The following FOXO1 variants were observed in gnomAD, a reference collection of about 807,000 sequenced individuals.
FOXO1 encodes forkhead box O1.
FOXO1 carries 6 observed loss-of-function variants against 44.1 expected under a neutral mutation model. The ratio of observed to expected loss-of-function variants is 0.14; its 90% CI spans 0.07 to 0.27. The LOEUF (loss-of-function observed/expected upper bound fraction) is 0.27. FOXO1 is among the 10% of genes least tolerant of loss of function. The pLI, the probability that FOXO1 is intolerant of heterozygous loss-of-function variation, is 1.00. For missense variants in FOXO1, 737 were observed against 888.8 expected (o/e 0.83, Z 2.17); for synonymous variants, 380 against 362.7 (o/e 1.05, Z -0.54).
At chr13:40,659,736 G>A (rs1877978503) in intron 1 of FOXO1, among the ~76,000 whole-genome samples, 1 of 152,136 alleles carries the variant, frequency 6.6e-6, no homozygotes, top group Non-Finnish European at 1.5e-5. Context: ...GTCAACCCTA[G>A]ATTCAACTAT....
At chr13:40,620,365 G>C (rs914905704) in intron 1 of FOXO1, 10 of 713,040 alleles carry the variant, frequency 1.4e-5, no homozygotes, top group Non-Finnish European at 2.3e-5. Context: ...ATCATTTCTC[G>C]TTTAGAGCGG....
At chr13:40,569,624 CCT>C (rs1874404816) in intron 1 of FOXO1, among the ~76,000 whole-genome samples, 1 of 152,096 alleles carries the variant, frequency 6.6e-6, no homozygotes, top group African/African-American at 2.4e-5. Context: ...GTGTTTTCTC[CCT>C]GTTAAGAAAA....
intron 1 of FOXO1, among the ~76,000 whole-genome samples, chr13:40,637,846 C>T (rs1269042057): frequency 6.6e-6 from 1 of 152,208 alleles, no homozygotes; most frequent in African/African-American, 2.4e-5. Context: ...ACTATACTGA[C>T]TTCCTCAGCA....
At chr13:40,586,412 C>T (rs1391878791) in intron 1 of FOXO1, among the ~76,000 whole-genome samples, 2 of 152,152 alleles carry the variant, frequency 1.3e-5, no homozygotes, top group East Asian at 3.9e-4. Flanking sequence ...AATGGTGGCA[C>T]AGTCCCATCC....
chr13:40,631,478 A>G (rs1476418432), intron 1 of FOXO1, among the ~76,000 whole-genome samples: 3 of 152,236 alleles, frequency 2.0e-5, no homozygotes, highest in Non-Finnish European at 1.5e-5. Flanking sequence ...ATCAAAATTA[A>G]GAACATTTTT....
chr13:40,618,737 G>T, intron 1 of FOXO1: 1 of 428,684 alleles, frequency 2.3e-6, no homozygotes. Flanking sequence ...GGAATCTCAG[G>T]ATGAATCAGT....
At chr13:40,647,907 T>C (rs1234656354) in intron 1 of FOXO1, among the ~76,000 whole-genome samples, 3 of 152,114 alleles carry the variant, frequency 2.0e-5, no homozygotes, top group East Asian at 1.9e-4. Context: ...TTTTACCACA[T>C]TGGGCTCCCA....
At chr13:40,567,694 G>A (rs1375462050) in intron 1 of FOXO1, among the ~76,000 whole-genome samples, 1 of 152,162 alleles carries the variant, frequency 6.6e-6, no homozygotes, top group Non-Finnish European at 1.5e-5. Flanking sequence ...ATGTGGGCGG[G>A]CGTGGTGGCT....
intron 1 of FOXO1, among the ~76,000 whole-genome samples, chr13:40,603,128 G>T (rs1464944540): frequency 1.3e-5 from 2 of 152,052 alleles, no homozygotes; most frequent in Non-Finnish European, 2.9e-5. Context: ...CCCAGCTTAC[G>T]ATGCCTGTAC....
At chr13:40,632,350 T>C (rs1876995073) in intron 1 of FOXO1, among the ~76,000 whole-genome samples, 1 of 152,150 alleles carries the variant, frequency 6.6e-6, no homozygotes, top group Non-Finnish European at 1.5e-5. Flanking sequence ...ACCTAGAATA[T>C]ATGAAGAATT....
intron 1 of FOXO1, among the ~76,000 whole-genome samples, chr13:40,656,349 T>C (rs549392658): frequency 6.6e-6 from 1 of 152,234 alleles, no homozygotes; most frequent in Non-Finnish European, 1.5e-5. Context: ...TTAAGTATAT[T>C]TTGAAATTGC....
chr13:40,663,873 GAC>G (rs1348490441), intron 1 of FOXO1, among the ~76,000 whole-genome samples: 1 of 152,236 alleles, frequency 6.6e-6, no homozygotes, highest in African/African-American at 2.4e-5. Context: ...CCACAGGGAT[GAC>G]ACTGTGTGTA....
intron 1 of FOXO1, among the ~76,000 whole-genome samples, chr13:40,592,303 AC>A (rs1341036186): frequency 6.6e-6 from 1 of 152,246 alleles, no homozygotes; most frequent in African/African-American, 2.4e-5. Flanking sequence ...TTTAAAAAAA[AC>A]AACTTCATCA....
intron 1 of FOXO1, among the ~76,000 whole-genome samples, chr13:40,655,952 T>C (rs982583345): frequency 2.6e-5 from 4 of 152,180 alleles, no homozygotes; most frequent in Admixed American, 6.5e-5. Context: ...TCCTCAACAC[T>C]TGCCATTTCT....
chr13:40,615,728 T>A (rs1876402180), intron 1 of FOXO1, among the ~76,000 whole-genome samples: 1 of 151,962 alleles, frequency 6.6e-6, no homozygotes, highest in South Asian at 2.1e-4. Flanking sequence ...GGGAAGAGTG[T>A]TCCAAAGAGA....
intron 1 of FOXO1, chr13:40,618,952 T>C: frequency 3.8e-6 from 2 of 525,072 alleles, no homozygotes; most frequent in South Asian, 1.4e-5. Flanking sequence ...AGTGGTTAGA[T>C]GGGGTCAACA....
At chr13:40,590,834 A>T (rs922952162) in intron 1 of FOXO1, among the ~76,000 whole-genome samples, 2 of 152,204 alleles carry the variant, frequency 1.3e-5, no homozygotes, top group African/African-American at 4.8e-5. Flanking sequence ...AAGTAGCATT[A>T]GGACTTTCAA....
chr13:40,617,101 G>A (rs750236600), intron 1 of FOXO1, among the ~76,000 whole-genome samples: 3 of 152,214 alleles, frequency 2.0e-5, no homozygotes, highest in African/African-American at 7.2e-5. Context: ...TTTCTAATGG[G>A]ATAACAGAAG....
intron 1 of FOXO1, among the ~76,000 whole-genome samples, chr13:40,634,204 A>C (rs191401744): frequency 2.0e-4 from 30 of 152,312 alleles, no homozygotes; most frequent in Non-Finnish European, 7.4e-5. Flanking sequence ...AAAACTGCCC[A>C]CGACAAATTC....
Sources: gnomAD v4.1 joint callset for allele counts (sites outside exome capture counted in the v4.1 genomes callset) on GRCh38, gnomAD v4.1.1 for gene constraint, MANE v1.5 for transcripts, NCBI Gene and HGNC (gene_info 2026-07-23, HGNC 2026-07-21) for gene names.